Variants in PHACTR3 observed in about 807,000 individuals in gnomAD.
PHACTR3 encodes the protein phosphatase and actin regulator 3.
PHACTR3 carries 16 observed loss-of-function variants against 66.8 expected under a neutral mutation model. The ratio of observed to expected loss-of-function variants is 0.24; its 90% CI spans 0.16 to 0.36. The LOEUF (loss-of-function observed/expected upper bound fraction) is 0.36. Ranked by LOEUF, PHACTR3 falls within the 10% of genes least tolerant of loss-of-function variation. The probability of loss-of-function intolerance (pLI) is 1.00; values close to 1 mark genes in which losing one functional copy is unlikely to be tolerated. For synonymous variants in PHACTR3, 323 were observed against 292.1 expected, an observed-to-expected ratio of 1.11 and a Z score of -1.08; for missense variants, 647 against 719.9, an observed-to-expected ratio of 0.90 and a Z score of 1.16.
intron 3 of PHACTR3, among the ~76,000 whole-genome samples, chr20:59,754,178 T>A (rs2039701648): frequency 6.6e-6 from 1 of 152,244 alleles, no homozygotes; most frequent in African/African-American, 2.4e-5. Context: ...GTTGGGTAAC[T>A]GAGCCATTTA....
intron 1 of PHACTR3, among the ~76,000 whole-genome samples, chr20:59,654,977 TCG>T (rs2035569836): frequency 6.6e-6 from 1 of 152,092 alleles, no homozygotes; most frequent in Non-Finnish European, 1.5e-5. Flanking sequence ...GTCCAGTCTC[TCG>T]TTGCATATTT....
intron 9 of PHACTR3, among the ~76,000 whole-genome samples, chr20:59,837,154 C>A (rs1288677142): frequency 6.6e-6 from 1 of 152,146 alleles, no homozygotes; most frequent in African/African-American, 2.4e-5. Flanking sequence ...ATTAAATATT[C>A]CATAAAGTCA....
chr20:59,821,647 G>A (rs1475603146), intron 8 of PHACTR3, among the ~76,000 whole-genome samples: 1 of 152,142 alleles, frequency 6.6e-6, no homozygotes, highest in East Asian at 1.9e-4. Context: ...AGGTGTTCAA[G>A]TTAATTTTGT....
Position 59,806,053 on chromosome 20 carries a change from G to A in PHACTR3, c.1187G>A (p.Arg396Gln), listed in dbSNP as rs771117503. The change falls in exon 8 of 13, where the codon CGG becomes CAG. Residue 396 changes from arginine (R) to glutamine (Q), a missense_variant. By Grantham distance (43) the Arg-to-Gln change is conservative. Around this residue, in one of 2 missense-constraint regions of PHACTR3, gnomAD observed 577 missense variants for 571.1 expected, o/e 1.01. Transcript: ENST00000371015. ...NDSIISGTLP[R>Q]KCKKELLAVK... ...ATGGGGCTTTTAGGAACACTGCCAC[G>A]GAAATGCAAGAAGGAGCTCCTGGCC... The A allele has an allele frequency of 5.0e-6, 8 of 1,613,782 alleles. No homozygotes were observed. Among genetic ancestry groups the A allele is most frequent in the East Asian group, 2.2e-5 (1 of 44,884 alleles).
chr20:59,670,614 G>GGGGC lies in PHACTR3; in HGVS notation c.118+65483_118+65486dup, dbSNP rs2036164145. ...AGGCATCTGCCGGGGGTGGGGGGGG[G>GGGGC]GGGCAGGCACTTTTACTGTTTCCAT... On this transcript the variant is annotated intron_variant, in intron 1 of 12. Coordinates refer to ENST00000371015, the MANE Select transcript of PHACTR3 (RefSeq NM_080672.5). Among the ~76,000 whole-genome samples the GGGGC allele has an allele frequency of 3.1e-5, 4 of 131,086 alleles. No individual in the cohort carries two copies. In the South Asian group the frequency reaches 1.2e-3, roughly 41 times the overall value. The allele number at this position is 131,086 out of a possible 152,430, so 86.0% of individuals were successfully genotyped here.
At chr20:59,688,933 G>A (rs558994132) in intron 1 of PHACTR3, among the ~76,000 whole-genome samples, 5 of 152,222 alleles carry the variant, frequency 3.3e-5, no homozygotes, top group Admixed American at 6.5e-5. Flanking sequence ...TGTTGGGAAC[G>A]CTAATTTCTG....
At chr20:59,708,307 C>T (rs1006525340) in intron 1 of PHACTR3, among the ~76,000 whole-genome samples, 2 of 152,198 alleles carry the variant, frequency 1.3e-5, no homozygotes, top group Non-Finnish European at 2.9e-5. Context: ...GCATGTTGAT[C>T]ATGGGATAGC....
chr20:59,823,340 C>T (rs1209494079), intron 8 of PHACTR3, among the ~76,000 whole-genome samples: 3 of 152,040 alleles, frequency 2.0e-5, no homozygotes, highest in Non-Finnish European at 2.9e-5. Context: ...GTGCCCAGCT[C>T]GGGGTGAGCT....
At chr20:59,666,607 GGAGA>G (rs1601044454) in intron 1 of PHACTR3, among the ~76,000 whole-genome samples, 1 of 151,644 alleles carries the variant, frequency 6.6e-6, no homozygotes, top group East Asian at 1.9e-4. Flanking sequence ...AGAGAAAGAT[GGAGA>G]GAGACAGAGA....
intron 4 of PHACTR3, among the ~76,000 whole-genome samples, chr20:59,764,876 A>G (rs959908304): frequency 2.6e-5 from 4 of 152,212 alleles, no homozygotes; most frequent in Non-Finnish European, 5.9e-5. Flanking sequence ...ACTTCCTAGA[A>G]GAAAACTAGG....
chr20:59,585,727 C>A (rs1413842085), intron 1 of PHACTR3, among the ~76,000 whole-genome samples: 1 of 152,190 alleles, frequency 6.6e-6, no homozygotes, highest in African/African-American at 2.4e-5. Flanking sequence ...GGGTTGGTGG[C>A]AGGGAGGCCT....
intron 1 of PHACTR3, among the ~76,000 whole-genome samples, chr20:59,640,011 A>C (rs952031883): frequency 6.6e-6 from 1 of 152,192 alleles, no homozygotes; most frequent in Non-Finnish European, 1.5e-5. Context: ...ATAGCAAAAA[A>C]CAGGCACACT....
At chr20:59,817,049 A>T (rs752192750) in intron 8 of PHACTR3, among the ~76,000 whole-genome samples, 3 of 152,210 alleles carry the variant, frequency 2.0e-5, no homozygotes, top group Admixed American at 6.5e-5. Flanking sequence ...GGTTAGATGG[A>T]ATTTCCTAAG....
chr20:59,788,104 C>A (rs1317929221), intron 7 of PHACTR3, among the ~76,000 whole-genome samples: 1 of 152,158 alleles, frequency 6.6e-6, no homozygotes, highest in Non-Finnish European at 1.5e-5. Flanking sequence ...CTTTGCCCCC[C>A]TCCCACTCTT....
At chr20:59,809,933 G>A (rs767724505) in intron 8 of PHACTR3, among the ~76,000 whole-genome samples, 1 of 152,140 alleles carries the variant, frequency 6.6e-6, no homozygotes, top group African/African-American at 2.4e-5. Flanking sequence ...TATTTGTACC[G>A]TGTTTAAAAA....
chr20:59,742,430 G>T (rs1179904955), intron 1 of PHACTR3, among the ~76,000 whole-genome samples: 1 of 151,634 alleles, frequency 6.6e-6, no homozygotes, highest in Non-Finnish European at 1.5e-5. Context: ...CAAGGAAGGG[G>T]TCCAGGAGCA....
At chr20:59,597,413 C>A (rs113068742) in intron 1 of PHACTR3, among the ~76,000 whole-genome samples, 13 of 152,268 alleles carry the variant, frequency 8.5e-5, no homozygotes, top group African/African-American at 2.6e-4. Flanking sequence ...GAGGTTCCTG[C>A]CTGTGTGAGT....
In PHACTR3 at chr20:59,646,166, G is replaced by A. The variant is rs140078995; in HGVS notation, c.118+41034G>A. Among the ~76,000 whole-genome samples the A allele has an allele frequency of 1.5e-3, 230 of 152,264 alleles. 1 individual carries two copies. Among genetic ancestry groups the A allele is most frequent in the African/African-American group, 5.3e-3 (221 of 41,538 alleles). On this transcript the variant is annotated intron_variant, in intron 1 of 12. Transcript: ENST00000371015. ...AGTAAGGCTCAAGTCCCCTGAAGTG[G>A]GCAGCTCCTGTCATCCACAGCTGCT...
At chr20:59,725,367 G>A (rs1202243173) in intron 1 of PHACTR3, among the ~76,000 whole-genome samples, 1 of 151,956 alleles carries the variant, frequency 6.6e-6, no homozygotes, top group Admixed American at 6.6e-5. Flanking sequence ...GAGTCCAGGT[G>A]GGCTGTGTGC....
Sources: gnomAD v4.1 joint callset for allele counts (sites outside exome capture counted in the v4.1 genomes callset) on GRCh38, gnomAD v4.1.1 for gene constraint, gnomAD v4.1.1 regional missense constraint, MANE v1.5 for transcripts, NCBI Gene and HGNC (gene_info 2026-07-23, HGNC 2026-07-21) for gene names.